Variants in FAM133A observed in about 807,000 individuals in gnomAD.
FAM133A encodes family with sequence similarity 133 member A, also known as protein FAM133A.
For synonymous variants in FAM133A, 65 were observed against 58.6 expected (o/e 1.11, Z -0.50); for missense variants, 159 against 164.4 (o/e 0.97, Z 0.18).
chrX:93,673,944 T>C (rs1003326723), upstream of FAM133A: 8 of 92,494 alleles, frequency 8.6e-5, no homozygotes, highest in African/African-American at 3.5e-4. Context: ...CCGCCCACCC[T>C]GAATTCCCGT....
At chrX:93,677,654 A>G (rs887902172) in intron 2 of FAM133A, among the ~76,000 whole-genome samples, 1 of 111,897 alleles carries the variant, frequency 8.9e-6, no homozygotes, top group African/African-American at 3.2e-5. Context: ...TGCATTTTCT[A>G]AAATTTTATA....
At chrX:93,675,854 A>G (rs1051084563) in intron 2 of FAM133A, among the ~76,000 whole-genome samples, 14 of 111,382 alleles carry the variant, frequency 1.3e-4, no homozygotes, top group Non-Finnish European at 1.5e-4. Context: ...ATCAAAACAT[A>G]TGTTATAGAA....
intron 3 of FAM133A, among the ~76,000 whole-genome samples, chrX:93,704,827 A>G (rs769334063): frequency 1.7e-4 from 19 of 111,860 alleles, no homozygotes; most frequent in Non-Finnish European, 3.6e-4. Flanking sequence ...TACTGTATTC[A>G]GCTTTTCCTT....
chrX:93,702,966 T>G (rs961350761), intron 3 of FAM133A, among the ~76,000 whole-genome samples: 3 of 108,606 alleles, frequency 2.8e-5, no homozygotes, highest in Non-Finnish European at 5.7e-5. Flanking sequence ...GGCAGGTGGA[T>G]CACTTGAGTC....
chrX:93,675,470 A>C (rs752826046), intron 2 of FAM133A, among the ~76,000 whole-genome samples: 5 of 111,313 alleles, frequency 4.5e-5, no homozygotes, highest in Non-Finnish European at 9.5e-5. Flanking sequence ...GATTCCTGTT[A>C]TAGGGTGGCC....
At chrX:93,675,766 G>A (rs758232835) in intron 2 of FAM133A, among the ~76,000 whole-genome samples, 3 of 110,846 alleles carry the variant, frequency 2.7e-5, no homozygotes, top group Non-Finnish European at 3.8e-5. Context: ...GTCATATGCC[G>A]GGCAAATGTG....
chrX:93,699,825 TTAAAG>T (rs1277837491), intron 3 of FAM133A, among the ~76,000 whole-genome samples: 1 of 111,419 alleles, frequency 9.0e-6, no homozygotes, highest in Non-Finnish European at 1.9e-5. Flanking sequence ...TTTAAGCTAC[TTAAAG>T]TATTTTCCTA....
At chrX:93,696,019 T>A (rs1213704659) in intron 2 of FAM133A, among the ~76,000 whole-genome samples, 1 of 111,682 alleles carries the variant, frequency 9.0e-6, no homozygotes, top group African/African-American at 3.3e-5. Context: ...AGCACTTTTA[T>A]ACAGAGGAAA....
intron 2 of FAM133A, among the ~76,000 whole-genome samples, chrX:93,680,099 C>G (rs771695867): frequency 3.6e-4 from 39 of 107,871 alleles, no homozygotes; most frequent in African/African-American, 1.3e-3. Flanking sequence ...TTGACAGTAT[C>G]TCCTCAAACC....
intron 2 of FAM133A, among the ~76,000 whole-genome samples, chrX:93,683,144 A>T (rs1925277796): frequency 8.9e-6 from 1 of 112,005 alleles, no homozygotes; most frequent in Non-Finnish European, 1.9e-5. Context: ...AGGAGGACAC[A>T]CAGAGTCTTC....
Position 93,710,279 on chromosome X carries a change from C to A in FAM133A, c.*113C>A. ...ACTGTGCCAGTAAGGGGCATAGTGGCTGCTGGCAACTTCAATATACATTTT... is the reference window on the plus strand; with the variant it reads ...ACTGTGCCAGTAAGGGGCATAGTGGATGCTGGCAACTTCAATATACATTTT... On this transcript the variant is annotated 3_prime_UTR_variant, in exon 4 of 4. Transcript: ENST00000683942. 1.2e-6 allele frequency: 1 copy of A among 820,412 alleles called. No individual in the cohort carries two copies. The highest frequency in any genetic ancestry group is 1.7e-6 in the Non-Finnish European group (1 of 602,105). The allele number at this position is 820,412 out of a possible 1,213,427, so 67.6% of individuals were successfully genotyped here. A position where few individuals can be genotyped will look rare whatever the true frequency, so the allele number is the denominator to read the frequency against.
intron 3 of FAM133A, among the ~76,000 whole-genome samples, chrX:93,700,291 A>G (rs937696587): frequency 9.0e-6 from 1 of 111,232 alleles, no homozygotes; most frequent in African/African-American, 3.3e-5. Context: ...TATATTTGGA[A>G]TAAAAACCAA....
Position 93,709,434 on chromosome X carries a change from T to C in FAM133A, c.15T>C (p.Asp5=). Residue 5 remains aspartate, a synonymous_variant, in exon 4 of 4, where the codon GAT becomes GAC. Coordinates refer to ENST00000683942, the MANE Select transcript of FAM133A (RefSeq NM_001171109.2). The part of the protein sequence containing the change: MGKR[D]NRVAYMNPIA... ...CATCAGGCACCATGGGGAAGCGGGATAATCGGGTAGCCTATATGAATCCTA... is the reference window on the plus strand; with the variant it reads ...CATCAGGCACCATGGGGAAGCGGGACAATCGGGTAGCCTATATGAATCCTA... 1 of 1,162,981 alleles carries C rather than the reference T, an allele frequency of 8.6e-7. No individual in the cohort carries two copies. The highest frequency in any genetic ancestry group is 1.1e-6 in the Non-Finnish European group (1 of 877,198).
chrX:93,680,650 G>A (rs757732742), intron 2 of FAM133A, among the ~76,000 whole-genome samples: 2 of 111,570 alleles, frequency 1.8e-5, no homozygotes, highest in South Asian at 7.6e-4. Flanking sequence ...ACAGGCATGA[G>A]ATGATATCTC....
intron 3 of FAM133A, among the ~76,000 whole-genome samples, chrX:93,698,831 A>AT (rs1926493690): frequency 9.0e-6 from 1 of 111,500 alleles, no homozygotes; most frequent in East Asian, 2.8e-4. Flanking sequence ...ATATTTGCTT[A>AT]TTTTTTTGAG....
intron 2 of FAM133A, among the ~76,000 whole-genome samples, chrX:93,691,784 A>G (rs1296099028): frequency 9.0e-6 from 1 of 111,511 alleles, no homozygotes; most frequent in African/African-American, 3.2e-5. Flanking sequence ...TTCCAACCCA[A>G]GAGTATGAAA....
chrX:93,696,434 GTC>G (rs1456741856), intron 2 of FAM133A, among the ~76,000 whole-genome samples: 2 of 111,665 alleles, frequency 1.8e-5, no homozygotes, highest in Non-Finnish European at 3.8e-5. Context: ...AAAACAACGT[GTC>G]TCTTATGGAA....
rs12012248 is a variant in FAM133A at position 93,711,639 on chromosome X, C to T, written c.*1473C>T. The T allele has an allele frequency of 0.08, 9,783 of 121,735 alleles. 1,027 individuals carry two copies. The highest frequency in any genetic ancestry group is 0.29 in the African/African-American group (8,910 of 30,213). 10.0% of individuals were successfully genotyped at this position (121,735 alleles called of 1,213,427 possible). A position where few individuals can be genotyped will look rare whatever the true frequency, so the allele number is the denominator to read the frequency against. ...TGTTTTTCAATAGCAGATTTTATCT[C>T]GGCTACCTTCAATCACAAGTAAAAT... On this transcript the variant is annotated 3_prime_UTR_variant, in exon 4 of 4. Coordinates refer to ENST00000683942, the MANE Select transcript of FAM133A (RefSeq NM_001171109.2).
chrX:93,697,904 A>G (rs893471916), intron 2 of FAM133A, among the ~76,000 whole-genome samples: 4 of 111,961 alleles, frequency 3.6e-5, no homozygotes, highest in Non-Finnish European at 5.6e-5. Context: ...TAGGGTGGGG[A>G]AAATTATTTT....
Sources: gnomAD v4.1 joint callset for allele counts (sites outside exome capture counted in the v4.1 genomes callset) on GRCh38, gnomAD v4.1.1 for gene constraint, MANE v1.5 for transcripts, NCBI Gene and HGNC (gene_info 2026-07-23, HGNC 2026-07-21) for gene names.